The following IFT80 variants were observed in gnomAD, a reference collection of about 807,000 sequenced individuals.
The protein encoded by IFT80 is intraflagellar transport protein 80 homolog.
Under a neutral mutation model 107.9 loss-of-function variants are expected in IFT80, and 79 were observed. The ratio of observed to expected loss-of-function variants is 0.73; its 90% CI spans 0.61 to 0.88. The LOEUF is 0.88. IFT80 is among the 40% of genes least tolerant of loss of function. The probability of loss-of-function intolerance (pLI) is 0.00; values close to 1 mark genes in which losing one functional copy is unlikely to be tolerated. For synonymous variants in IFT80, 299 were observed against 300.9 expected, an observed-to-expected ratio of 0.99 and a Z score of 0.07; for missense variants, 797 against 914.2, an observed-to-expected ratio of 0.87 and a Z score of 1.65.
chr3:160,386,905 AG>A (rs1179158871), intron 1 of IFT80, among the ~76,000 whole-genome samples: 2 of 152,226 alleles, frequency 1.3e-5, no homozygotes, highest in Non-Finnish European at 2.9e-5. Flanking sequence ...TCATAATAAA[AG>A]CTTTAGTTTT....
chr3:160,316,139 C>G lies in IFT80; in HGVS notation c.957+3621G>C, dbSNP rs560476450. Among the ~76,000 whole-genome samples, 19 of 152,226 alleles carry G rather than the reference C, an allele frequency of 1.2e-4. No individual in the cohort carries two copies. The South Asian group carries it at 3.5e-3, about 28-fold the overall frequency. ...AACTGTGACTTATGTCTTGCTTGCA[C>G]TCTCTCTGGCCCTTCCTGCTTGCTC... On this transcript the variant is annotated intron_variant, in intron 9 of 19. Coordinates refer to ENST00000326448, the MANE Select transcript of IFT80 (RefSeq NM_020800.3).
Position 160,375,841 on chromosome 3 carries a change from C to G in IFT80, c.410G>C (p.Gly137Ala). Residue 137 changes from glycine (G) to alanine (A), a missense_variant, in exon 5 of 20, where the codon GGG becomes GCG. Coordinates refer to ENST00000326448, the MANE Select transcript of IFT80 (RefSeq NM_020800.3). ...CTGAGCTAAAGTTGATCTAAGCATC[C>G]CAGTCTTTGACCAAATTTTTATTTG... ...DGQIKIWSKTGMLRSTLAQQG... is the reference protein window; with the variant it reads ...DGQIKIWSKTAMLRSTLAQQG... The G allele has an allele frequency of 1.9e-6, 3 of 1,611,926 alleles. No individual in the cohort carries two copies. Among genetic ancestry groups the G allele is most frequent in the Non-Finnish European group, 2.5e-6 (3 of 1,178,646 alleles).
intron 3 of IFT80, among the ~76,000 whole-genome samples, chr3:160,379,392 T>C (rs1015552343): frequency 3.9e-5 from 6 of 152,172 alleles, no homozygotes; most frequent in Non-Finnish European, 5.9e-5. Flanking sequence ...ATATAAACTA[T>C]AGATTAGATA....
At chr3:160,371,460 G>T (rs1711522852) in intron 5 of IFT80, among the ~76,000 whole-genome samples, 1 of 151,824 alleles carries the variant, frequency 6.6e-6, no homozygotes, top group African/African-American at 2.4e-5. Flanking sequence ...GATTTTTTTT[G>T]AGAAAGGGTC....
In IFT80 at chr3:160,365,950, G is replaced by C; in HGVS notation, c.549+93C>G. 6.7e-6 allele frequency: 6 copies of C among 893,214 alleles called. No individual in the cohort carries two copies. The Admixed American group carries it at 1.0e-4, about 15-fold the overall frequency. The allele number at this position is 893,214 out of a possible 1,614,324, so 55.3% of individuals were successfully genotyped here. On this transcript the variant is annotated intron_variant, in intron 6 of 19. Transcript: ENST00000326448. ...GTACTTAAAGACCAGACTGTAAAAA[G>C]ACCACCCAGAAGAAAGAGACTCCTA...
intron 8 of IFT80, among the ~76,000 whole-genome samples, chr3:160,352,052 G>A (rs1720748080): frequency 6.7e-6 from 1 of 148,592 alleles, no homozygotes; most frequent in African/African-American, 2.5e-5. Flanking sequence ...GTCTCTCTCT[G>A]TCACCCAGGC....
intron 8 of IFT80, among the ~76,000 whole-genome samples, chr3:160,347,834 T>C (rs148891608): frequency 6.6e-6 from 1 of 152,348 alleles, no homozygotes; most frequent in African/African-American, 2.4e-5. Context: ...TACTTTTCAC[T>C]ATTAATACTG....
chr3:160,346,887 C>T (rs1261856308), intron 8 of IFT80, among the ~76,000 whole-genome samples: 1 of 152,174 alleles, frequency 6.6e-6, no homozygotes, highest in Non-Finnish European at 1.5e-5. Flanking sequence ...ACAAGCCTCA[C>T]ATCCTCTGGT....
intron 12 of IFT80, among the ~76,000 whole-genome samples, chr3:160,292,424 A>G (rs1715633079): frequency 6.7e-6 from 1 of 150,216 alleles, no homozygotes; most frequent in Non-Finnish European, 1.5e-5. Flanking sequence ...ATGAGTATGG[A>G]TTCATCAAGA....
chr3:160,279,339 C>T lies in IFT80; in HGVS notation c.1690G>A (p.Val564Met). 1.2e-6 allele frequency: 2 copies of T among 1,612,834 alleles called. No individual in the cohort carries two copies. Among genetic ancestry groups the T allele is most frequent in the Non-Finnish European group, 1.7e-6 (2 of 1,179,252 alleles). Residue 564 changes from valine (V) to methionine (M), a missense_variant, in exon 16 of 20, where the codon GTG becomes ATG. Physicochemically the swap from Val to Met is conservative, Grantham distance 21. Coordinates refer to ENST00000326448, the MANE Select transcript of IFT80 (RefSeq NM_020800.3). Reference sequence around the variant, plus strand: ...GTTACTTGATTTCCAACAAAACTCACAATATGGGGATTTTTACTAAATTCA... The same window carrying T: ...GTTACTTGATTTCCAACAAAACTCATAATATGGGGATTTTTACTAAATTCA... ...ASEFSKNPHI[V>M]SFVGNQVTIR...
intron 3 of IFT80, among the ~76,000 whole-genome samples, chr3:160,380,804 A>C (rs1333301412): frequency 6.6e-6 from 1 of 152,230 alleles, no homozygotes; most frequent in Non-Finnish European, 1.5e-5. Flanking sequence ...TGTACTGGAA[A>C]ATAAAGTATG....
At position 160,381,266 on chromosome 3, in the gene IFT80, T is replaced by TATATATATATATATA. The variant is rs1553766638; in HGVS notation, c.259+236_259+237insTATATATATATATAT. ...TATATATATATATATATATATATATTAAAGCCAAAGACCCATATTCAATCC... is the reference window on the plus strand; with the variant it reads ...TATATATATATATATATATATATATTATATATATATATATAAAAGCCAAAGACCCATATTCAATCC... On this transcript the variant is annotated intron_variant, in intron 3 of 19. Coordinates refer to ENST00000326448, the MANE Select transcript of IFT80 (RefSeq NM_020800.3). Among the ~76,000 whole-genome samples the TATATATATATATATA allele has an allele frequency of 1.7e-4, 12 of 70,670 alleles. 2 individuals are homozygous for TATATATATATATATA. Among genetic ancestry groups the TATATATATATATATA allele is most frequent in the Admixed American group, 5.2e-4 (4 of 7,706 alleles). 46.4% of individuals were successfully genotyped at this position (70,670 alleles called of 152,430 possible). A position where few individuals can be genotyped will look rare whatever the true frequency, so the allele number is the denominator to read the frequency against.
At chr3:160,269,396 A>G (rs993019856) in intron 18 of IFT80, among the ~76,000 whole-genome samples, 1 of 152,168 alleles carries the variant, frequency 6.6e-6, no homozygotes, top group Non-Finnish European at 1.5e-5. Context: ...TAAAAATCTT[A>G]TGAAAATAAC....
At chr3:160,382,497 G>A (rs1712598459) in intron 2 of IFT80, among the ~76,000 whole-genome samples, 1 of 152,146 alleles carries the variant, frequency 6.6e-6, no homozygotes, top group Middle Eastern at 3.4e-3. Context: ...TAATTTATCA[G>A]AAGAATTTCT....
At chr3:160,355,443 G>A (rs1246604526) in intron 8 of IFT80, among the ~76,000 whole-genome samples, 1 of 151,844 alleles carries the variant, frequency 6.6e-6, no homozygotes, top group Non-Finnish European at 1.5e-5. Flanking sequence ...TACAGACAGA[G>A]TTTCACTCTG....
chr3:160,377,375 T>G (rs909108820), intron 4 of IFT80, 55 bp downstream of exon 4: 1 of 1,026,946 alleles, frequency 9.7e-7, no homozygotes, highest in African/African-American at 1.6e-5. Context: ...TCTGTTTCTT[T>G]GGAAATTTTT....
rs902638946 is a variant in IFT80 at position 160,377,493 on chromosome 3, C to T, written c.307G>A (p.Glu103Lys). 1.9e-6 allele frequency: 3 copies of T among 1,611,050 alleles called. No homozygotes were observed. The Admixed American group carries it at 5.0e-5, about 27-fold the overall frequency. The change falls in exon 4 of 20, where the codon GAA becomes AAA. Residue 103 changes from glutamate to lysine, a missense_variant. Physicochemically the swap from Glu to Lys is moderately conservative, Grantham distance 56 (BLOSUM62 1). Coordinates refer to ENST00000326448, the MANE Select transcript of IFT80 (RefSeq NM_020800.3). The stretch of plus-strand genomic sequence containing the variant: ...GCAAGTACTGCTCCACAGTGAGCTT[C>T]TACACTTTTTTCCACTCTTCCTAAC... ...SKLGRVEKSV[E>K]AHCGAVLAGR...
At chr3:160,279,035 A>G (rs1194503763) in intron 16 of IFT80, among the ~76,000 whole-genome samples, 158 bp downstream of exon 16, 1 of 152,162 alleles carries the variant, frequency 6.6e-6, no homozygotes, top group African/African-American at 2.4e-5. Flanking sequence ...ACACAGCAAC[A>G]TGTATTCCTC....
chr3:160,378,738 T>G (rs1440047873), intron 3 of IFT80, among the ~76,000 whole-genome samples: 1 of 151,650 alleles, frequency 6.6e-6, no homozygotes, highest in African/African-American at 2.4e-5. Context: ...ATGATAATAA[T>G]AATATATTTA....
Sources: gnomAD v4.1 joint callset for allele counts (sites outside exome capture counted in the v4.1 genomes callset) on GRCh38, gnomAD v4.1.1 for gene constraint, MANE v1.5 for transcripts, NCBI Gene and HGNC (gene_info 2026-07-23, HGNC 2026-07-21) for gene names.